Variants in PLPPR1 observed in about 807,000 individuals in gnomAD.
The protein encoded by PLPPR1 is phospholipid phosphatase-related protein type 1.
A neutral mutation model predicts 33.1 loss-of-function variants in PLPPR1; 10 were observed. The ratio of observed to expected loss-of-function variants is 0.30; its 90% CI spans 0.19 to 0.51. The LOEUF (loss-of-function observed/expected upper bound fraction) is 0.51. Ranked by LOEUF, PLPPR1 falls within the 20% of genes least tolerant of loss-of-function variation. The pLI is 0.97. For synonymous variants in PLPPR1, 151 were observed against 151.0 expected (o/e 1.00, Z 0.00); for missense variants, 304 against 408.1 (o/e 0.74, Z 2.20).
chr9:101,240,725 A>C (rs997651640), intron 2 of PLPPR1, among the ~76,000 whole-genome samples: 1 of 152,026 alleles, frequency 6.6e-6, no homozygotes, highest in African/African-American at 2.4e-5. Flanking sequence ...GATTTCCAAT[A>C]AAGTTGGGAA....
intron 4 of PLPPR1, among the ~76,000 whole-genome samples, chr9:101,305,623 G>C (rs1477759806): frequency 1.3e-5 from 2 of 152,164 alleles, no homozygotes; most frequent in African/African-American, 4.8e-5. Context: ...AAGGTCTGCT[G>C]TGTGGACAGC....
intron 1 of PLPPR1, among the ~76,000 whole-genome samples, chr9:101,156,323 A>T (rs1217818116): frequency 6.6e-6 from 1 of 152,004 alleles, no homozygotes; most frequent in Non-Finnish European, 1.5e-5. Flanking sequence ...GCCAAGGCAG[A>T]TGGATCACTT....
chr9:101,110,028 G>A lies in PLPPR1; in HGVS notation c.-45-75422G>A, dbSNP rs148089010. Among the ~76,000 whole-genome samples, 39 of 152,254 alleles carry A rather than the reference G, an allele frequency of 2.6e-4. No homozygotes were observed. In the East Asian group the frequency reaches 7.1e-3, roughly 28 times the overall value. On this transcript the variant is annotated intron_variant, in intron 1 of 7. Transcript: ENST00000374874. Reference sequence around the variant, plus strand: ...TGTAAACAGTTAGTCATTTTCAACAGTACTAAAAGAAAACAGCTCTTGTTA... The same window carrying A: ...TGTAAACAGTTAGTCATTTTCAACAATACTAAAAGAAAACAGCTCTTGTTA...
intron 1 of PLPPR1, among the ~76,000 whole-genome samples, chr9:101,128,268 G>T (rs190557177): frequency 8.0e-4 from 122 of 152,238 alleles, no homozygotes; most frequent in Non-Finnish European, 1.3e-3. Flanking sequence ...TTCAAAGGAA[G>T]AAAAACTTCA....
At chr9:101,255,243 A>G (rs1827778343) in intron 2 of PLPPR1, among the ~76,000 whole-genome samples, 1 of 152,102 alleles carries the variant, frequency 6.6e-6, no homozygotes, top group Admixed American at 6.6e-5. Context: ...CAGTTTGTCA[A>G]TTTCCATGGT....
At chr9:101,280,785 G>A (rs1828284089) in intron 3 of PLPPR1, among the ~76,000 whole-genome samples, 1 of 151,984 alleles carries the variant, frequency 6.6e-6, no homozygotes, top group Admixed American at 6.6e-5. Flanking sequence ...CACAATAAAT[G>A]CCATATAAAA....
chr9:101,200,445 C>G (rs892551235), intron 2 of PLPPR1, among the ~76,000 whole-genome samples: 2 of 150,786 alleles, frequency 1.3e-5, no homozygotes, highest in African/African-American at 4.8e-5. Flanking sequence ...ATGGGAAACC[C>G]AGTAAGGCAG....
chr9:101,196,278 G>A (rs916306012), intron 2 of PLPPR1, among the ~76,000 whole-genome samples: 2 of 152,184 alleles, frequency 1.3e-5, no homozygotes, highest in Non-Finnish European at 2.9e-5. Context: ...GACTTTATAG[G>A]AAGTCTGCTT....
intron 7 of PLPPR1, among the ~76,000 whole-genome samples, chr9:101,322,967 A>T (rs924435679): frequency 1.3e-5 from 2 of 152,200 alleles, no homozygotes; most frequent in Non-Finnish European, 2.9e-5. Flanking sequence ...TAGCCAAAAA[A>T]GTTAAACTAA....
At chr9:101,193,314 T>G (rs1225114257) in intron 2 of PLPPR1, among the ~76,000 whole-genome samples, 2 of 152,164 alleles carry the variant, frequency 1.3e-5, no homozygotes, top group Non-Finnish European at 2.9e-5. Context: ...TTTTCCTATA[T>G]TCCTTAATGG....
chr9:101,082,885 G>T (rs1830637706), intron 1 of PLPPR1, among the ~76,000 whole-genome samples: 1 of 152,142 alleles, frequency 6.6e-6, no homozygotes, highest in Non-Finnish European at 1.5e-5. Context: ...GATTAAATAA[G>T]CAAATATAAG....
intron 1 of PLPPR1, among the ~76,000 whole-genome samples, chr9:101,103,158 C>T (rs1830933094): frequency 8.0e-6 from 1 of 125,216 alleles, no homozygotes; most frequent in Admixed American, 8.1e-5. Context: ...TAATTAGATC[C>T]CATTTGTCAA....
rs144499979 is a variant in PLPPR1 at position 101,201,965 on chromosome 9, G to T, written c.63+16408G>T. Among the ~76,000 whole-genome samples, 657 of 152,262 alleles carry T rather than the reference G, an allele frequency of 4.3e-3. 4 individuals carry two copies. The highest frequency in any genetic ancestry group is 0.015 in the African/African-American group (640 of 41,552). On this transcript the variant is annotated intron_variant, in intron 2 of 7. Coordinates refer to ENST00000374874, the MANE Select transcript of PLPPR1 (RefSeq NM_207299.2). ...TTATTCAGTTTGTTTGCTTCCCACA[G>T]AAATTAGCATACTTTGACATAACTG...
chr9:101,097,731 C>T (rs2118545662), intron 1 of PLPPR1, among the ~76,000 whole-genome samples: 1 of 152,226 alleles, frequency 6.6e-6, no homozygotes, highest in Non-Finnish European at 1.5e-5. Context: ...GGAATGGAAT[C>T]CACCCAGAGG....
At chr9:101,100,700 G>C (rs941977255) in intron 1 of PLPPR1, among the ~76,000 whole-genome samples, 1 of 22,084 alleles carries the variant, frequency 4.5e-5, no homozygotes, top group African/African-American at 4.8e-4. Flanking sequence ...TTTGTTCCGT[G>C]TGTGTGTGTG....
chr9:101,291,640 C>T lies in PLPPR1; in HGVS notation c.385+5404C>T, dbSNP rs950176221. On this transcript the variant is annotated intron_variant, in intron 4 of 7. Coordinates refer to ENST00000374874, the MANE Select transcript of PLPPR1 (RefSeq NM_207299.2). ...GCAGCATTCGCAGTTTACGAAAATC[C>T]GCTGTTCTGCAGCCACTGCTGCTGG... Among the ~76,000 whole-genome samples the T allele has an allele frequency of 2.0e-4, 31 of 152,174 alleles. 1 individual carries two copies. The highest frequency in any genetic ancestry group is 1.9e-4 in the East Asian group (1 of 5,192).
intron 3 of PLPPR1, among the ~76,000 whole-genome samples, chr9:101,282,495 T>C: frequency 6.6e-6 from 1 of 152,166 alleles, no homozygotes; most frequent in South Asian, 2.1e-4. Context: ...TTCTCTAAGA[T>C]GTGGAATAAG....
chr9:101,216,139 T>A (rs1564178424), intron 2 of PLPPR1, among the ~76,000 whole-genome samples: 1 of 152,234 alleles, frequency 6.6e-6, no homozygotes, highest in Non-Finnish European at 1.5e-5. Context: ...TTTCTCTACA[T>A]CCTTGCCAGT....
Sources: gnomAD v4.1 joint callset for allele counts (sites outside exome capture counted in the v4.1 genomes callset) on GRCh38, gnomAD v4.1.1 for gene constraint, MANE v1.5 for transcripts, NCBI Gene and HGNC (gene_info 2026-07-23, HGNC 2026-07-21) for gene names.